The following CACNA1G variants were observed in gnomAD, a reference collection of about 807,000 sequenced individuals.
The protein encoded by CACNA1G is voltage-dependent T-type calcium channel subunit alpha-1G.
In CACNA1G, 67 loss-of-function variants were observed where a neutral mutation model predicts 219.4. The ratio of observed to expected loss-of-function variants is 0.31; its 90% CI spans 0.25 to 0.37. The LOEUF is 0.37. Ranked by LOEUF, CACNA1G falls within the 10% of genes least tolerant of loss-of-function variation. The probability of loss-of-function intolerance (pLI) is 1.00; values close to 1 mark genes in which losing one functional copy is unlikely to be tolerated. For synonymous variants in CACNA1G, 1,296 were observed against 1,345.3 expected, an observed-to-expected ratio of 0.96 and a Z score of 0.80; for missense variants, 2,380 against 3,231.4, an observed-to-expected ratio of 0.74 and a Z score of 6.39.
At chr17:50,580,944 C>T (rs531449677) in intron 9 of CACNA1G, among the ~76,000 whole-genome samples, 3 of 151,750 alleles carry the variant, frequency 2.0e-5, no homozygotes, top group African/African-American at 7.3e-5. Flanking sequence ...TGGGGGGTTG[C>T]CAGGGAAGGC....
chr17:50,613,748 G>T (rs532926658), intron 26 of CACNA1G, among the ~76,000 whole-genome samples: 1 of 152,194 alleles, frequency 6.6e-6, no homozygotes, highest in African/African-American at 2.4e-5. Context: ...AAAATGTTCC[G>T]GCTGCTCAGG....
intron 17 of CACNA1G, 48 bp downstream of exon 17, chr17:50,599,907 A>G (rs1167844008): frequency 1.9e-6 from 3 of 1,561,086 alleles, no homozygotes; most frequent in Non-Finnish European, 2.6e-6. Flanking sequence ...ACCTTGAAAG[A>G]GGGGAGGTGT....
At chr17:50,568,722 C>T (rs909000263) in intron 1 of CACNA1G, 148 bp from the exon 2 acceptor site, 1 of 679,568 alleles carries the variant, frequency 1.5e-6, no homozygotes, top group African/African-American at 1.8e-5. Flanking sequence ...GGGCTGGGGG[C>T]TGGTCTGCGT....
rs182987793 is a variant in CACNA1G, at chr17:50,600,720, C to G, written c.3691-6C>G. ...TCCTGCTCATACTCCAGTGTTTGTT[C>G]TGCAGAGCAAAGGGGAACGGGTCCG... On this transcript the variant is annotated splice_polypyrimidine_tract_variant and splice_region_variant and intron_variant, in intron 17 of 37. Coordinates refer to ENST00000359106, the MANE Select transcript of CACNA1G (RefSeq NM_018896.5). The surrounding 1 kb of genome is among the most constrained non-coding windows in gnomAD (Gnocchi z 4.1). The G allele has an allele frequency of 1.6e-3, 2,650 of 1,613,374 alleles. 4 individuals are homozygous for G. The highest frequency in any genetic ancestry group is 2.0e-3 in the Non-Finnish European group (2,383 of 1,179,438).
chr17:50,599,363 G>T, intron 16 of CACNA1G, 65 bp from the exon 17 acceptor site: 1 of 1,384,052 alleles, frequency 7.2e-7, no homozygotes, highest in Non-Finnish European at 9.6e-7. Context: ...AGGAGACCGG[G>T]TGCACATGAG....
rs2053793315 is a variant in CACNA1G, at chr17:50,626,320, G to A, written c.6703G>A (p.Glu2235Lys). Residue 2235 changes from glutamate to lysine, a missense_variant, in exon 38 of 38, where the codon GAG becomes AAG. By Grantham distance (56) the Glu-to-Lys change is moderately conservative (BLOSUM62 1). This residue lies in a region of CACNA1G where 672 missense variants were observed against 670.5 expected (regional missense o/e 1.00). Transcript: ENST00000359106. This position sits in a 1 kb window ranked among gnomAD's most constrained non-coding sequence, Gnocchi z 4.3. The part of the protein sequence containing the change: ...SGDLLPPGGQ[E>K]EPPSPRDLKK... ...AGACCTCCTGCCCCCTGGCGGCCAG[G>A]AGGAGCCCCCATCCCCACGGGACCT... 8 of 1,613,364 alleles carry A rather than the reference G, an allele frequency of 5.0e-6. No individual in the cohort carries two copies. The highest frequency in any genetic ancestry group is 1.1e-5 in the South Asian group (1 of 91,082).
rs1443799697 is a variant in CACNA1G at position 50,603,382 on chromosome 17, C to T, written c.4169+183C>T. Among the ~76,000 whole-genome samples, 1 of 152,184 alleles carries T rather than the reference C, an allele frequency of 6.6e-6. No homozygotes were observed. Among genetic ancestry groups the T allele is most frequent in the Non-Finnish European group, 1.5e-5 (1 of 68,012 alleles). Reference sequence around the variant, plus strand: ...ACTCAGATTACGGCCGCAGTAATTTCCCTCCAGGTGCACACCTGCTTTCCT... The same window carrying T: ...ACTCAGATTACGGCCGCAGTAATTTTCCTCCAGGTGCACACCTGCTTTCCT... On this transcript the variant is annotated intron_variant, in intron 21 of 37. Coordinates refer to ENST00000359106, the MANE Select transcript of CACNA1G (RefSeq NM_018896.5). The surrounding 1 kb of genome is among the most constrained non-coding windows in gnomAD (Gnocchi z 6.4).
chr17:50,585,740 T>TCCTGC (rs2042874673), intron 9 of CACNA1G, among the ~76,000 whole-genome samples: 1 of 152,064 alleles, frequency 6.6e-6, no homozygotes, highest in Non-Finnish European at 1.5e-5. Context: ...CCAGGAAACC[T>TCCTGC]CCTGCCACCG....
intron 19 of CACNA1G, among the ~76,000 whole-genome samples, chr17:50,602,073 C>T (rs1402477313): frequency 6.6e-6 from 1 of 152,206 alleles, no homozygotes; most frequent in Non-Finnish European, 1.5e-5. Context: ...GCGCTGGCTG[C>T]ACTCCAGCCT....
intron 37 of CACNA1G, 102 bp from the exon 38 acceptor site, chr17:50,625,915 G>A: frequency 7.7e-7 from 1 of 1,301,126 alleles, no homozygotes; most frequent in Non-Finnish European, 1.1e-6. Flanking sequence ...TAGTCCTGCT[G>A]TGCCTGGTGG....
rs1363461568 is a variant in CACNA1G at position 50,578,246 on chromosome 17, C to T, written c.1983C>T (p.Ala661=). Residue 661 remains alanine (A), a synonymous_variant, in exon 9 of 38, where the codon GCC becomes GCT. Transcript: ENST00000359106. This position sits in a 1 kb window ranked among gnomAD's most constrained non-coding sequence, Gnocchi z 4.5. ...SSPCLKADSG[A]CGPDSCPYCA... is the part of the protein sequence containing the mutation. ...CTTGCTTGAAAGCAGACAGTGGAGC[C>T]TGTGGTCCAGACAGCTGCCCCTACT... The T allele has an allele frequency of 6.2e-7, 1 of 1,609,948 alleles. No individual in the cohort carries two copies. Among genetic ancestry groups the T allele is most frequent in the African/African-American group, 1.3e-5 (1 of 74,894 alleles).
intron 34 of CACNA1G, among the ~76,000 whole-genome samples, chr17:50,620,925 A>C (rs2051728545): frequency 6.6e-6 from 1 of 152,228 alleles, no homozygotes; most frequent in South Asian, 2.1e-4. Flanking sequence ...GGGACGGTCC[A>C]ACTGTCCCCT....
At chr17:50,564,592 C>T (rs895701508) in intron 1 of CACNA1G, among the ~76,000 whole-genome samples, 3 of 151,778 alleles carry the variant, frequency 2.0e-5, no homozygotes, top group African/African-American at 7.3e-5. Context: ...GTGCGTCACT[C>T]TGTGTGTCTG....
chr17:50,623,826 C>T (rs1176630102), intron 35 of CACNA1G, 81 bp from the exon 36 acceptor site: 5 of 1,459,062 alleles, frequency 3.4e-6, no homozygotes, highest in Non-Finnish European at 4.7e-6. Context: ...GGCGCTGCTG[C>T]TTTCTGTTGT....
At chr17:50,562,736 G>A (rs910122549) in intron 1 of CACNA1G, among the ~76,000 whole-genome samples, 1 of 152,148 alleles carries the variant, frequency 6.6e-6, no homozygotes, top group African/African-American at 2.4e-5. Context: ...AGGAGGACTC[G>A]GGTCCACCAC....
In CACNA1G at chr17:50,624,341, C is replaced by G. The variant is rs768056624; in HGVS notation, c.6230-19C>G. On this transcript the variant is annotated intron_variant, in intron 36 of 37. Coordinates refer to ENST00000359106, the MANE Select transcript of CACNA1G (RefSeq NM_018896.5). ...CCATTCTCTCCCCCCACCCCTCCCC[C>G]GCTTCCCTCCCTCCACAGGCTCCGT... 2.0e-6 allele frequency: 3 copies of G among 1,471,222 alleles called. No individual in the cohort carries two copies. The highest frequency in any genetic ancestry group is 2.8e-6 in the Non-Finnish European group (3 of 1,076,544). The allele number at this position is 1,471,222 out of a possible 1,614,324, so 91.1% of individuals were successfully genotyped here.
intron 8 of CACNA1G, among the ~76,000 whole-genome samples, chr17:50,577,031 T>C (rs1313500933): frequency 6.6e-6 from 1 of 152,166 alleles, no homozygotes; most frequent in Admixed American, 6.5e-5. Context: ...TCAGGAAGGA[T>C]GTGGCACGTG....
rs987599264 is a variant in CACNA1G, at chr17:50,596,296, C to A, written c.2980-266C>A. 3.9e-5 allele frequency among the ~76,000 whole-genome samples: 6 copies of A among 152,218 alleles called. No individual in the cohort carries two copies. The highest frequency in any genetic ancestry group is 8.8e-5 in the Non-Finnish European group (6 of 68,038). The stretch of plus-strand genomic sequence containing the variant: ...TCTCTCCCCAGCCAGCCTTGGTGAC[C>A]GTTCAGCCAGGCTGGTTGTGCTGTG... On this transcript the variant is annotated intron_variant, in intron 14 of 37. Transcript: ENST00000359106. This position sits in a 1 kb window ranked among gnomAD's most constrained non-coding sequence, Gnocchi z 4.8.
Position 50,605,823 on chromosome 17 carries a change from G to C in CACNA1G, c.4297-75G>C. 1.9e-6 allele frequency: 3 copies of C among 1,553,434 alleles called. No individual in the cohort carries two copies. The South Asian group carries it at 3.4e-5, about 18-fold the overall frequency. The stretch of plus-strand genomic sequence containing the variant: ...CTCAAAATGTGCCCAGGCTGGCGTG[G>C]GGGTGGGGCTCAGGAGTCCTGGGCT... On this transcript the variant is annotated intron_variant, in intron 22 of 37. Coordinates refer to ENST00000359106, the MANE Select transcript of CACNA1G (RefSeq NM_018896.5).
Sources: allele counts gnomAD v4.1 joint callset (sites outside exome capture counted in the v4.1 genomes callset), GRCh38; gene constraint gnomAD v4.1.1; regional missense constraint gnomAD v4.1.1; non-coding constraint Gnocchi (gnomAD v3.1); transcripts MANE v1.5; gene names NCBI Gene and HGNC (gene_info 2026-07-23, HGNC 2026-07-21).